DPP10: variants seen among roughly 807,000 people sequenced by gnomAD.
DPP10 encodes the protein dipeptidyl peptidase like 10, also known as inactive dipeptidyl peptidase 10.
Under a neutral mutation model 120.9 loss-of-function variants are expected in DPP10, and 33 were observed. That is an observed-to-expected ratio of 0.27 (90% CI 0.21 to 0.37). The LOEUF (loss-of-function observed/expected upper bound fraction) is 0.37. Ranked by LOEUF, DPP10 falls within the 10% of genes least tolerant of loss-of-function variation. The pLI, the probability that DPP10 is intolerant of heterozygous loss-of-function variation, is 1.00. For missense variants in DPP10, 816 were observed against 942.8 expected (o/e 0.87, Z 1.76); for synonymous variants, 337 against 326.1 (o/e 1.03, Z -0.36).
At chr2:115,274,236 G>A (rs1234270061) in intron 1 of DPP10, among the ~76,000 whole-genome samples, 1 of 152,062 alleles carries the variant, frequency 6.6e-6, no homozygotes, top group Non-Finnish European at 1.5e-5. Flanking sequence ...CAGCCTGATT[G>A]TTTTATCTAT....
chr2:115,740,039 C>T, intron 9 of DPP10, 146 bp downstream of exon 9: 1 of 837,862 alleles, frequency 1.2e-6, no homozygotes. Flanking sequence ...TTCGATCTCC[C>T]AGTAGTCTAT....
chr2:114,535,267 C>T (rs1027983968), intron 1 of DPP10, among the ~76,000 whole-genome samples: 2 of 152,094 alleles, frequency 1.3e-5, no homozygotes, highest in Admixed American at 6.5e-5. Flanking sequence ...AACATCATCT[C>T]GCCTCCATAA....
At chr2:114,999,439 T>C (rs755532373) in intron 1 of DPP10, among the ~76,000 whole-genome samples, 7 of 152,210 alleles carry the variant, frequency 4.6e-5, no homozygotes, top group Admixed American at 1.3e-4. Flanking sequence ...TTCACTTCCT[T>C]GGTTAAATTC....
At chr2:114,716,599 G>GGT (rs937349543) in intron 1 of DPP10, among the ~76,000 whole-genome samples, 16 of 152,184 alleles carry the variant, frequency 1.1e-4, no homozygotes, top group African/African-American at 3.6e-4. Flanking sequence ...TCCTTCTTTG[G>GGT]GTGTTCTAAG....
At chr2:114,555,844 A>G (rs2104904689) in intron 1 of DPP10, among the ~76,000 whole-genome samples, 1 of 152,302 alleles carries the variant, frequency 6.6e-6, no homozygotes, top group African/African-American at 2.4e-5. Flanking sequence ...GGGTGGAGCC[A>G]CTTAAAGATT....
intron 1 of DPP10, among the ~76,000 whole-genome samples, chr2:115,013,830 C>T (rs1223247753): frequency 1.3e-5 from 2 of 151,816 alleles, no homozygotes; most frequent in African/African-American, 4.8e-5. Context: ...ACTGGAGCAC[C>T]CAAATTCATC....
rs572405632 is a variant in DPP10 at position 114,915,173 on chromosome 2, T to C, written c.61-394066T>C. Among the ~76,000 whole-genome samples, 27 of 151,888 alleles carry C rather than the reference T, an allele frequency of 1.8e-4. 1 individual carries two copies. Among genetic ancestry groups the C allele is most frequent in the African/African-American group, 6.0e-4 (25 of 41,394 alleles). On this transcript the variant is annotated intron_variant, in intron 1 of 25. Transcript: ENST00000410059. ...ATAAAAAGAAATGGAGAAATATCTA[T>C]CAAGAAAATGGAAAACAAAAAGAGC...
At chr2:115,220,591 T>A (rs768024420) in intron 1 of DPP10, among the ~76,000 whole-genome samples, 9 of 152,036 alleles carry the variant, frequency 5.9e-5, no homozygotes, top group Admixed American at 2.0e-4. Context: ...TCAGAAAAAA[T>A]TGTACCACAA....
intron 1 of DPP10, among the ~76,000 whole-genome samples, chr2:114,829,359 A>G (rs1005315292): frequency 2.7e-5 from 4 of 150,164 alleles, no homozygotes; most frequent in African/African-American, 9.8e-5. Flanking sequence ...AAAGGGACAC[A>G]TAAGACGTTT....
At position 115,150,097 on chromosome 2, in the gene DPP10, A is replaced by C. The variant is rs555717680; in HGVS notation, c.61-159142A>C. Among the ~76,000 whole-genome samples, 4 of 152,300 alleles carry C rather than the reference A, an allele frequency of 2.6e-5. No individual in the cohort carries two copies. In the East Asian group the frequency reaches 7.7e-4, roughly 29 times the overall value. On this transcript the variant is annotated intron_variant, in intron 1 of 25. Transcript: ENST00000410059. ...GGAAGAAAGGAGAATAGATAGAAAG[A>C]GTCTCAAACTGTAGTTCAGGTCTAA... is the stretch of plus-strand genomic sequence containing the variant.
intron 1 of DPP10, among the ~76,000 whole-genome samples, chr2:114,785,499 A>T (rs149283093): frequency 1.3e-5 from 2 of 152,272 alleles, no homozygotes; most frequent in African/African-American, 2.4e-5. Context: ...TGAGAATGAA[A>T]AGTTAGATAC....
At chr2:114,725,424 A>G (rs777711091) in intron 1 of DPP10, among the ~76,000 whole-genome samples, 4 of 152,154 alleles carry the variant, frequency 2.6e-5, no homozygotes, top group Non-Finnish European at 2.9e-5. Context: ...ATTTCCTTAC[A>G]TGACCTTCTT....
At chr2:115,815,055 A>G (rs1687078723) in intron 20 of DPP10, 68 bp downstream of exon 20, 1 of 1,421,072 alleles carries the variant, frequency 7.0e-7, no homozygotes, top group African/African-American at 1.4e-5. Context: ...GACATATAAT[A>G]TTACTAACCC....
At chr2:114,641,910 C>T (rs2105433214) in intron 1 of DPP10, among the ~76,000 whole-genome samples, 1 of 151,872 alleles carries the variant, frequency 6.6e-6, no homozygotes, top group South Asian at 2.1e-4. Flanking sequence ...GATGTGTATG[C>T]TTAGTTTTAG....
intron 3 of DPP10, chr2:115,467,985 T>G: frequency 3.7e-6 from 1 of 268,988 alleles, no homozygotes; most frequent in Non-Finnish European, 7.4e-6. Context: ...GAAATTGAGC[T>G]TTCTGTGCTA....
chr2:115,823,642 G>C (rs1374621350), intron 21 of DPP10, among the ~76,000 whole-genome samples: 1 of 152,058 alleles, frequency 6.6e-6, no homozygotes, highest in African/African-American at 2.4e-5. Context: ...TTTAGTGTTT[G>C]GGGTTGTGCC....
chr2:115,644,664 T>C (rs893252050), intron 5 of DPP10, among the ~76,000 whole-genome samples: 6 of 150,596 alleles, frequency 4.0e-5, no homozygotes, highest in Admixed American at 2.6e-4. Flanking sequence ...CCACCTGTAG[T>C]CCTAGCTACT....
At chr2:115,235,304 G>A (rs1465049195) in intron 1 of DPP10, among the ~76,000 whole-genome samples, 2 of 152,092 alleles carry the variant, frequency 1.3e-5, no homozygotes, top group East Asian at 3.9e-4. Context: ...AAATAATAAA[G>A]AGGACTTTGC....
At chr2:114,593,593 AATTTT>A (rs1399093156) in intron 1 of DPP10, among the ~76,000 whole-genome samples, 3 of 152,116 alleles carry the variant, frequency 2.0e-5, no homozygotes, top group East Asian at 1.9e-4. Flanking sequence ...ATATTTTTTA[AATTTT>A]ATTTTATTTT....
Sources: gnomAD v4.1 joint callset for allele counts (sites outside exome capture counted in the v4.1 genomes callset) on GRCh38, gnomAD v4.1.1 for gene constraint, MANE v1.5 for transcripts, NCBI Gene and HGNC (gene_info 2026-07-23, HGNC 2026-07-21) for gene names.